The following HSF1 variants were observed in gnomAD, a reference collection of about 807,000 sequenced individuals.
HSF1 encodes heat shock factor protein 1.
In HSF1, 32 loss-of-function variants were observed where a neutral mutation model predicts 51.7. The ratio of observed to expected loss-of-function variants is 0.62; its 90% CI spans 0.47 to 0.83. The LOEUF (loss-of-function observed/expected upper bound fraction) is 0.83. Ranked by LOEUF, HSF1 falls within the 40% of genes least tolerant of loss-of-function variation. HSF1 has a pLI of 0.00. For missense variants in HSF1, 727 were observed against 717.0 expected, an observed-to-expected ratio of 1.01 and a Z score of -0.16; for synonymous variants, 396 against 309.7, an observed-to-expected ratio of 1.28 and a Z score of -2.92.
chr8:144,305,107 C>T lies in HSF1; in HGVS notation c.118-3799C>T, dbSNP rs1407576759. 7.3e-5 allele frequency among the ~76,000 whole-genome samples: 11 copies of T among 150,036 alleles called. No individual in the cohort carries two copies. The East Asian group carries it at 1.2e-3, about 16-fold the overall frequency. On this transcript the variant is annotated intron_variant, in intron 1 of 12. Transcript: ENST00000528838. The stretch of plus-strand genomic sequence containing the variant: ...GGACTATAGGCGCCCGCCACTGTGC[C>T]GGCTAATTTTTATATTTTTAGTAGA...
intron 1 of HSF1, among the ~76,000 whole-genome samples, chr8:144,308,538 C>T (rs1336640753): frequency 3.3e-5 from 5 of 151,248 alleles, no homozygotes; most frequent in South Asian, 2.1e-4. Context: ...GGCCAGAGTG[C>T]GGCGGGTGCT....
At chr8:144,302,601 G>A (rs1417173355) in intron 1 of HSF1, among the ~76,000 whole-genome samples, 1 of 151,970 alleles carries the variant, frequency 6.6e-6, no homozygotes, top group Non-Finnish European at 1.5e-5. Context: ...GCCAGCGCGG[G>A]TAGATTGCTT....
Position 144,291,649 on chromosome 8 carries a change from G to T in HSF1, c.-109G>T. 1.7e-6 allele frequency: 1 copy of T among 596,144 alleles called. No homozygotes were observed. Among genetic ancestry groups the T allele is most frequent in the Non-Finnish European group, 2.6e-6 (1 of 381,274 alleles). 36.9% of individuals were successfully genotyped at this position (596,144 alleles called of 1,614,324 possible). On this transcript the variant is annotated 5_prime_UTR_variant, in exon 1 of 13. Coordinates refer to ENST00000528838, the MANE Select transcript of HSF1 (RefSeq NM_005526.4). This position sits in a 1 kb window ranked among gnomAD's most constrained non-coding sequence, Gnocchi z 4.1. ...CATGCTGGGCCCCGGGGCTGTGTGT[G>T]CGCAGCGGGCGGCGGCGCGGCCCGG...
chr8:144,298,083 T>C (rs1260274059), intron 1 of HSF1, among the ~76,000 whole-genome samples: 7 of 152,074 alleles, frequency 4.6e-5, no homozygotes, highest in Admixed American at 1.3e-4. Context: ...TTTCGTGATA[T>C]CCAGTTATGA....
intron 1 of HSF1, among the ~76,000 whole-genome samples, chr8:144,294,529 C>A (rs1205763096): frequency 1.3e-5 from 2 of 152,234 alleles, no homozygotes; most frequent in Non-Finnish European, 2.9e-5. Flanking sequence ...TGGTGACTAA[C>A]TCTCAAGGCT....
Position 144,302,283 on chromosome 8 carries a change from C to T in HSF1, c.118-6623C>T, listed in dbSNP as rs1040255285. On this transcript the variant is annotated intron_variant, in intron 1 of 12. Coordinates refer to ENST00000528838, the MANE Select transcript of HSF1 (RefSeq NM_005526.4). ...CAGCACTTTGGGAGACCGAGGCAGG[C>T]GGATCACAAGGTCAGGAATTCAAAA... 4.6e-5 allele frequency among the ~76,000 whole-genome samples: 7 copies of T among 151,380 alleles called. 1 individual carries two copies. In the South Asian group the frequency reaches 1.1e-3, roughly 23 times the overall value.
In HSF1 at chr8:144,291,709, C is replaced by G. The variant is rs1815097170; in HGVS notation, c.-49C>G. 4.4e-6 allele frequency: 5 copies of G among 1,147,520 alleles called. No individual in the cohort carries two copies. The highest frequency in any genetic ancestry group is 1.4e-5 in the South Asian group (1 of 71,804). 71.1% of individuals were successfully genotyped at this position (1,147,520 alleles called of 1,614,324 possible). On this transcript the variant is annotated 5_prime_UTR_variant, in exon 1 of 13. Transcript: ENST00000528838. This position sits in a 1 kb window ranked among gnomAD's most constrained non-coding sequence, Gnocchi z 4.1. ...GCGGCGACGGCGTTAGCCCGGCCCTCGGCCCCTCTTTGCGGCCGCTCCCTC... is the reference window on the plus strand; with the variant it reads ...GCGGCGACGGCGTTAGCCCGGCCCTGGGCCCCTCTTTGCGGCCGCTCCCTC...
intron 1 of HSF1, among the ~76,000 whole-genome samples, chr8:144,301,972 C>G (rs782686162): frequency 6.6e-6 from 1 of 150,742 alleles, no homozygotes; most frequent in Non-Finnish European, 1.5e-5. Flanking sequence ...GGCAACATAG[C>G]TTGGCCAACA....
At chr8:144,299,469 A>G (rs1470831057) in intron 1 of HSF1, among the ~76,000 whole-genome samples, 2 of 151,730 alleles carry the variant, frequency 1.3e-5, no homozygotes, top group Non-Finnish European at 2.9e-5. Flanking sequence ...TCCAGAATCT[A>G]ATCAGTCATG....
Position 144,314,367 on chromosome 8 carries a change from C to A in HSF1, c.*37C>A, listed in dbSNP as rs1554846284. Reference sequence around the variant, plus strand: ...GAGCTGGGCCAGCCGCCCACCCCCACCCCCAGTGCAGGGCTGGTCTTGGGG... The same window carrying A: ...GAGCTGGGCCAGCCGCCCACCCCCAACCCCAGTGCAGGGCTGGTCTTGGGG... On this transcript the variant is annotated 3_prime_UTR_variant, in exon 13 of 13. Coordinates refer to ENST00000528838, the MANE Select transcript of HSF1 (RefSeq NM_005526.4). 3 of 1,514,516 alleles carry A rather than the reference C, an allele frequency of 2.0e-6. No homozygotes were observed. The Admixed American group carries it at 5.9e-5, about 30-fold the overall frequency. 93.8% of individuals were successfully genotyped at this position (1,514,516 alleles called of 1,614,324 possible).
In HSF1 at chr8:144,311,258, A is replaced by C. The variant is rs782136782; in HGVS notation, c.564+9A>C. On this transcript the variant is annotated intron_variant, in intron 5 of 12. Transcript: ENST00000528838. ...AGAAAGTCGTCAACAAGGTGGGGGCAGGGCCAGAGGGCCGGCGGGGGCCCC... is the reference window on the plus strand; with the variant it reads ...AGAAAGTCGTCAACAAGGTGGGGGCCGGGCCAGAGGGCCGGCGGGGGCCCC... The C allele has an allele frequency of 2.8e-5, 45 of 1,612,582 alleles. No homozygotes were observed. In the South Asian group the frequency reaches 4.9e-4, roughly 18 times the overall value.
intron 2 of HSF1, 29 bp downstream of exon 2, chr8:144,309,043 G>C: frequency 2.0e-6 from 3 of 1,527,682 alleles, no homozygotes; most frequent in Non-Finnish European, 2.7e-6. Context: ...CAGCGCAGGG[G>C]TGCGGGAGGC....
chr8:144,299,894 G>T (rs1815740802), intron 1 of HSF1, among the ~76,000 whole-genome samples: 1 of 152,150 alleles, frequency 6.6e-6, no homozygotes, highest in Non-Finnish European at 1.5e-5. Context: ...GGGTGACAGA[G>T]CGAGACCCCG....
At chr8:144,301,700 A>G (rs939316841) in intron 1 of HSF1, among the ~76,000 whole-genome samples, 3 of 152,048 alleles carry the variant, frequency 2.0e-5, no homozygotes, top group African/African-American at 4.8e-5. Flanking sequence ...CCCCGTCTCT[A>G]TTGAAAATAC....
chr8:144,314,104 T>G (rs1255823702), intron 12 of HSF1, 21 bp from the exon 13 acceptor site: 66 of 506,238 alleles, frequency 1.3e-4, no homozygotes, highest in Admixed American at 4.9e-4. Flanking sequence ...CCCCACCGCC[T>G]TGACACCCCC....
chr8:144,292,980 C>T (rs1483801345), intron 1 of HSF1, among the ~76,000 whole-genome samples: 2 of 151,570 alleles, frequency 1.3e-5, no homozygotes, highest in African/African-American at 4.9e-5. Flanking sequence ...AAAAGAAAGG[C>T]CACTGATCAT....
rs781853643 is a variant in HSF1, at chr8:144,311,560, C to T, written c.682C>T (p.Gln228Ter). Reference sequence around the variant, plus strand: ...ACATTCCATGCCCAAGTATAGCCGGCAGTTCTCCCTGGAGCACGTCCACGG... The same window carrying T: ...ACATTCCATGCCCAAGTATAGCCGGTAGTTCTCCCTGGAGCACGTCCACGG... Reference protein sequence around the residue: ...SAHSMPKYSRQFSLEHVHGSG... With the variant: ...SAHSMPKYSR The change falls in exon 7 of 13, where the codon CAG becomes TAG. Residue 228 changes from glutamine (Q) to a stop codon, truncating the protein, a stop_gained. Coordinates refer to ENST00000528838, the MANE Select transcript of HSF1 (RefSeq NM_005526.4). LOFTEE classifies it high-confidence loss of function. The T allele has an allele frequency of 1.9e-6, 3 of 1,613,734 alleles. No homozygotes were observed. Among genetic ancestry groups the T allele is most frequent in the Non-Finnish European group, 2.5e-6 (3 of 1,179,982 alleles).
At chr8:144,292,164 T>C (rs1815134923) in intron 1 of HSF1, among the ~76,000 whole-genome samples, 1 of 152,168 alleles carries the variant, frequency 6.6e-6, no homozygotes, top group African/African-American at 2.4e-5. Context: ...CTGCTAACTG[T>C]TGGGCGGTTG....
chr8:144,305,204 C>T (rs1020202909), intron 1 of HSF1, among the ~76,000 whole-genome samples: 2 of 152,170 alleles, frequency 1.3e-5, no homozygotes, highest in African/African-American at 2.4e-5. Flanking sequence ...GGCTCAGCCT[C>T]CCAACATGCT....
Sources: gnomAD v4.1 joint callset for allele counts (sites outside exome capture counted in the v4.1 genomes callset) on GRCh38, gnomAD v4.1.1 for gene constraint, Gnocchi (gnomAD v3.1) non-coding constraint, MANE v1.5 for transcripts, NCBI Gene and HGNC (gene_info 2026-07-23, HGNC 2026-07-21) for gene names.